The following MCPH1 variants were observed in gnomAD, a reference collection of about 807,000 sequenced individuals.
The protein encoded by MCPH1 is microcephalin 1.
MCPH1 carries 104 observed loss-of-function variants against 84.5 expected under a neutral mutation model. The observed-to-expected ratio is 1.23, with a 90% CI of 1.05 to 1.45. The LOEUF is 1.45. Ranked by LOEUF, MCPH1 falls within the 40% of genes most tolerant of loss-of-function variation. The pLI is 0.00. For missense variants in MCPH1, 1,498 were observed against 1,005.7 expected (o/e 1.49, Z -6.62); for synonymous variants, 514 against 366.8 (o/e 1.40, Z -4.58).
intron 4 of MCPH1, among the ~76,000 whole-genome samples, chr8:6,435,671 G>A (rs1802535586): frequency 6.6e-6 from 1 of 152,092 alleles, no homozygotes; most frequent in Admixed American, 6.6e-5. Context: ...CAACTTCAGG[G>A]GCCGTGGCAA....
intron 12 of MCPH1, among the ~76,000 whole-genome samples, chr8:6,517,154 C>A (rs1042935397): frequency 2.0e-5 from 3 of 152,190 alleles, no homozygotes; most frequent in Non-Finnish European, 4.4e-5. Flanking sequence ...ATATCAGGAT[C>A]AGCAAAGCAG....
chr8:6,560,407 T>A (rs1401572885), intron 12 of MCPH1, among the ~76,000 whole-genome samples: 1 of 152,186 alleles, frequency 6.6e-6, no homozygotes, highest in African/African-American at 2.4e-5. Flanking sequence ...GTGTTTATTA[T>A]CACAGGTGAC....
At chr8:6,407,648 G>C (rs953992223) in intron 1 of MCPH1, among the ~76,000 whole-genome samples, 2 of 152,146 alleles carry the variant, frequency 1.3e-5, no homozygotes, top group African/African-American at 4.8e-5. Context: ...AATCAGATGT[G>C]GCTATTTTTC....
At chr8:6,605,546 A>G (rs917783158) in intron 12 of MCPH1, among the ~76,000 whole-genome samples, 3 of 152,222 alleles carry the variant, frequency 2.0e-5, no homozygotes, top group Non-Finnish European at 2.9e-5. Context: ...TGAAATAACA[A>G]TACTGTGCTT....
chr8:6,555,027 C>A (rs536040364), intron 12 of MCPH1, among the ~76,000 whole-genome samples: 1 of 152,212 alleles, frequency 6.6e-6, no homozygotes, highest in African/African-American at 2.4e-5. Flanking sequence ...GAGTTCCTTC[C>A]CCTTTTTTTT....
chr8:6,540,246 G>A (rs957122222), intron 12 of MCPH1, among the ~76,000 whole-genome samples: 1 of 151,968 alleles, frequency 6.6e-6, no homozygotes, highest in African/African-American at 2.4e-5. Flanking sequence ...ACCTCTTTGT[G>A]TGTTTCCCTT....
intron 12 of MCPH1, among the ~76,000 whole-genome samples, chr8:6,564,953 G>A (rs1401441526): frequency 1.3e-5 from 2 of 152,224 alleles, no homozygotes; most frequent in Non-Finnish European, 2.9e-5. Context: ...TGGAAGACAT[G>A]CTCTGGAAGG....
At chr8:6,632,447 C>T (rs555925594) in intron 13 of MCPH1, among the ~76,000 whole-genome samples, 1 of 152,072 alleles carries the variant, frequency 6.6e-6, no homozygotes, top group Admixed American at 6.6e-5. Context: ...AATCTATTCA[C>T]CTCATTTTAC....
chr8:6,580,678 C>A lies in MCPH1; in HGVS notation c.2215-40776C>A, dbSNP rs565397093. On this transcript the variant is annotated intron_variant, in intron 12 of 13. Transcript: ENST00000344683. The stretch of plus-strand genomic sequence containing the variant: ...CCACAAAAACAAAAACAAAACAAAA[C>A]AAAAAAAAACTCAGAGTTGGAGAAG... 1.1e-4 allele frequency among the ~76,000 whole-genome samples: 17 copies of A among 150,958 alleles called. No individual in the cohort carries two copies. The East Asian group carries it at 2.3e-3, about 21-fold the overall frequency.
chr8:6,606,136 G>A (rs564790973), intron 12 of MCPH1, among the ~76,000 whole-genome samples: 8 of 152,216 alleles, frequency 5.3e-5, no homozygotes, highest in Non-Finnish European at 1.2e-4. Context: ...ACAATAAATT[G>A]CTAAGTCCCA....
chr8:6,624,159 T>C (rs1473955482), intron 13 of MCPH1, among the ~76,000 whole-genome samples: 1 of 152,258 alleles, frequency 6.6e-6, no homozygotes, highest in East Asian at 1.9e-4. Flanking sequence ...GAGGCGAATG[T>C]CTACCTGCTT....
intron 6 of MCPH1, among the ~76,000 whole-genome samples, chr8:6,439,727 T>C (rs1419931976): frequency 6.6e-6 from 1 of 152,208 alleles, no homozygotes; most frequent in Non-Finnish European, 1.5e-5. Context: ...TGAAGGAATT[T>C]GCTTTAGATT....
chr8:6,604,569 A>C (rs1443837303), intron 12 of MCPH1, among the ~76,000 whole-genome samples: 1 of 152,218 alleles, frequency 6.6e-6, no homozygotes, highest in Non-Finnish European at 1.5e-5. Flanking sequence ...CAGTGGCGCA[A>C]ACTCGGCTCA....
At position 6,643,116 on chromosome 8, in the gene MCPH1, G is replaced by A; in HGVS notation, c.*67G>A. ...AAACTGTCTTTGGATGTTCAAATGA[G>A]AAACAAAACTGTGAAGAGAAGGAAC... On this transcript the variant is annotated 3_prime_UTR_variant, in exon 14 of 14. Coordinates refer to ENST00000344683, the MANE Select transcript of MCPH1 (RefSeq NM_024596.5). 5.9e-6 allele frequency: 8 copies of A among 1,351,602 alleles called. No homozygotes were observed. The South Asian group carries it at 9.5e-5, about 16-fold the overall frequency. The allele number at this position is 1,351,602 out of a possible 1,614,324, so 83.7% of individuals were successfully genotyped here.
intron 8 of MCPH1, chr8:6,446,406 A>C: frequency 4.1e-6 from 4 of 985,372 alleles, no homozygotes; most frequent in Non-Finnish European, 4.8e-6. Context: ...TGGAGAAGTC[A>C]TGGTAGCGTT....
At chr8:6,466,323 G>T (rs1479330747) in intron 9 of MCPH1, among the ~76,000 whole-genome samples, 1 of 144,410 alleles carries the variant, frequency 6.9e-6, no homozygotes, top group Non-Finnish European at 1.5e-5. Flanking sequence ...TTTTTGAGAT[G>T]GAGTCTTGGA....
rs141841363 is a variant in MCPH1 at position 6,517,459 on chromosome 8, G to A, written c.2214+17530G>A. 2.3e-3 allele frequency among the ~76,000 whole-genome samples: 357 copies of A among 152,312 alleles called. 3 individuals are homozygous for A. The highest frequency in any genetic ancestry group is 8.3e-3 in the African/African-American group (343 of 41,568). ...AATGCCATCTTGCAGTCTCTCTCTC[G>A]TAGAAGAACCAAATGAATTTTTCAA... On this transcript the variant is annotated intron_variant, in intron 12 of 13. Coordinates refer to ENST00000344683, the MANE Select transcript of MCPH1 (RefSeq NM_024596.5).
Position 6,601,207 on chromosome 8 carries a change from T to C in MCPH1, c.2215-20247T>C, listed in dbSNP as rs192350679. 3.9e-3 allele frequency among the ~76,000 whole-genome samples: 599 copies of C among 152,274 alleles called. 6 individuals are homozygous for C. The highest frequency in any genetic ancestry group is 0.014 in the African/African-American group (583 of 41,546). On this transcript the variant is annotated intron_variant, in intron 12 of 13. Coordinates refer to ENST00000344683, the MANE Select transcript of MCPH1 (RefSeq NM_024596.5). ...CTTTCCAGAGGATTATTCCTGCAGC[T>C]TCCACCCTCACAGCTCTCAGCTGTC...
chr8:6,426,896 A>G (rs1457360786), intron 3 of MCPH1, among the ~76,000 whole-genome samples: 1 of 152,192 alleles, frequency 6.6e-6, no homozygotes, highest in Non-Finnish European at 1.5e-5. Context: ...AAAGTATACA[A>G]TTCAGTGGTT....
Sources: gnomAD v4.1 joint callset for allele counts (sites outside exome capture counted in the v4.1 genomes callset) on GRCh38, gnomAD v4.1.1 for gene constraint, MANE v1.5 for transcripts, NCBI Gene and HGNC (gene_info 2026-07-23, HGNC 2026-07-21) for gene names.